The following TRA2A variants were observed in gnomAD, a reference collection of about 807,000 sequenced individuals.
The protein encoded by TRA2A is transformer 2 alpha homolog, also known as transformer-2 protein homolog alpha.
A neutral mutation model predicts 45.7 loss-of-function variants in TRA2A; 31 were observed. The observed-to-expected ratio is 0.68, with a 90% CI of 0.51 to 0.92. The LOEUF (loss-of-function observed/expected upper bound fraction) is 0.92. Among genes scored for constraint, TRA2A ranks in the 40% least tolerant of loss-of-function variants. The pLI is 0.00. For synonymous variants in TRA2A, 132 were observed against 126.2 expected (o/e 1.05, Z -0.31); for missense variants, 304 against 367.5 (o/e 0.83, Z 1.41).
chr7:23,508,994 T>C (rs1239335786), intron 4 of TRA2A, among the ~76,000 whole-genome samples: 2 of 152,068 alleles, frequency 1.3e-5, no homozygotes, highest in African/African-American at 2.4e-5. Context: ...ACAATTTTTT[T>C]TTCCTATTCT....
chr7:23,514,935 C>T (rs1370944322), intron 3 of TRA2A, among the ~76,000 whole-genome samples: 8 of 152,110 alleles, frequency 5.3e-5, no homozygotes, highest in Non-Finnish European at 1.2e-4. Flanking sequence ...CTTTAGAGCC[C>T]GGCTGCCTGG....
rs1024746679 is a variant in TRA2A at position 23,531,887 on chromosome 7, A to G, written c.-63T>C. On this transcript the variant is annotated 5_prime_UTR_variant, in exon 1 of 8. Transcript: ENST00000297071. ...GTCTCGGCTCGAGGGCCGATGGCCTAATTAACCCGCTGACTGGACCGTGGG... is the reference window on the plus strand; with the variant it reads ...GTCTCGGCTCGAGGGCCGATGGCCTGATTAACCCGCTGACTGGACCGTGGG... The G allele has an allele frequency of 3.2e-6, 5 of 1,576,202 alleles. No homozygotes were observed. The highest frequency in any genetic ancestry group is 1.7e-4 in the Middle Eastern group (1 of 5,998).
At chr7:23,526,919 A>C (rs1790363497) in intron 1 of TRA2A, among the ~76,000 whole-genome samples, 1 of 152,180 alleles carries the variant, frequency 6.6e-6, no homozygotes. Context: ...TGACACCCAC[A>C]TATAATCAAA....
intron 3 of TRA2A, among the ~76,000 whole-genome samples, 179 bp from the exon 4 acceptor site, chr7:23,513,261 C>T (rs1283329984): frequency 6.6e-6 from 1 of 152,086 alleles, no homozygotes; most frequent in Non-Finnish European, 1.5e-5. Context: ...TCACAGTACA[C>T]CCAAGGCCTT....
chr7:23,520,087 G>A (rs1038638457), intron 2 of TRA2A, among the ~76,000 whole-genome samples: 1 of 152,026 alleles, frequency 6.6e-6, no homozygotes, highest in African/African-American at 2.4e-5. Flanking sequence ...AATTAGCCAG[G>A]TGCCTGTGAT....
intron 1 of TRA2A, among the ~76,000 whole-genome samples, chr7:23,524,673 T>TTGAAG (rs1664535972): frequency 6.9e-6 from 1 of 145,880 alleles, no homozygotes; most frequent in Admixed American, 7.2e-5. Context: ...AGCTACAAAG[T>TTGAAG]TGTCACTATG....
intron 2 of TRA2A, among the ~76,000 whole-genome samples, chr7:23,519,714 C>G (rs924719701): frequency 2.6e-5 from 4 of 151,846 alleles, no homozygotes; most frequent in Admixed American, 6.6e-5. Context: ...TTTTTTTGCA[C>G]GATTTTACAA....
chr7:23,512,149 C>T (rs1789652684), intron 4 of TRA2A, among the ~76,000 whole-genome samples: 1 of 152,206 alleles, frequency 6.6e-6, no homozygotes, highest in African/African-American at 2.4e-5. Context: ...AAAAGTGAAA[C>T]TGTAGTCACT....
chr7:23,526,206 T>C (rs1790334737), intron 1 of TRA2A, among the ~76,000 whole-genome samples: 1 of 152,160 alleles, frequency 6.6e-6, no homozygotes, highest in African/African-American at 2.4e-5. Flanking sequence ...GCCTGTGTCA[T>C]ACTATAAAAA....
At chr7:23,506,798 C>T (rs1024863751) in intron 5 of TRA2A, among the ~76,000 whole-genome samples, 9 of 152,130 alleles carry the variant, frequency 5.9e-5, no homozygotes, top group South Asian at 2.1e-4. Flanking sequence ...TTTTTTGAGA[C>T]GGAGTCTTGC....
chr7:23,526,098 T>G (rs1337620816), intron 1 of TRA2A, among the ~76,000 whole-genome samples: 1 of 152,220 alleles, frequency 6.6e-6, no homozygotes, highest in Non-Finnish European at 1.5e-5. Flanking sequence ...CCATGTACTA[T>G]TCTTTTAATC....
At chr7:23,514,729 G>C (rs935714145) in intron 3 of TRA2A, among the ~76,000 whole-genome samples, 1 of 152,072 alleles carries the variant, frequency 6.6e-6, no homozygotes, top group Non-Finnish European at 1.5e-5. Context: ...CCAAGTAGTC[G>C]GGATTACAAG....
intron 4 of TRA2A, among the ~76,000 whole-genome samples, chr7:23,508,546 G>C (rs558565775): frequency 6.6e-6 from 1 of 152,308 alleles, no homozygotes; most frequent in South Asian, 2.1e-4. Flanking sequence ...ACAGGCTGGA[G>C]TGCAATGGCG....
intron 3 of TRA2A, among the ~76,000 whole-genome samples, chr7:23,514,913 A>G (rs569727358): frequency 6.6e-6 from 1 of 152,348 alleles, no homozygotes; most frequent in East Asian, 1.9e-4. Flanking sequence ...GCATGCAAAC[A>G]TGTTCTAAGA....
intron 1 of TRA2A, chr7:23,531,346 G>A (rs1790574164): frequency 1.4e-6 from 1 of 699,770 alleles, no homozygotes; most frequent in Non-Finnish European, 1.8e-6. Flanking sequence ...AAGCAGCCCC[G>A]CGCACTTTCG....
At chr7:23,517,787 C>T (rs1181605908) in intron 2 of TRA2A, among the ~76,000 whole-genome samples, 1 of 151,648 alleles carries the variant, frequency 6.6e-6, no homozygotes, top group Non-Finnish European at 1.5e-5. Context: ...TGGCGCACAC[C>T]TGTCATCCCA....
intron 1 of TRA2A, chr7:23,522,063 G>C: frequency 7.3e-7 from 1 of 1,369,452 alleles, no homozygotes; most frequent in South Asian, 1.6e-5. Context: ...TATTAACTAA[G>C]TAATCATGCA....
At chr7:23,522,746 A>T (rs1790185998) in intron 1 of TRA2A, among the ~76,000 whole-genome samples, 1 of 152,092 alleles carries the variant, frequency 6.6e-6, no homozygotes, top group Non-Finnish European at 1.5e-5. Flanking sequence ...TAACAACTAT[A>T]ATTTCCCCCC....
rs187742434 is a variant in TRA2A at position 23,512,528 on chromosome 7, G to A, written c.525+366C>T. 8.8e-3 allele frequency among the ~76,000 whole-genome samples: 1,337 copies of A among 151,832 alleles called. 19 individuals carry two copies. Among genetic ancestry groups the A allele is most frequent in the South Asian group, 0.016 (79 of 4,814 alleles). On this transcript the variant is annotated intron_variant, in intron 4 of 7. Coordinates refer to ENST00000297071, the MANE Select transcript of TRA2A (RefSeq NM_013293.5). Reference sequence around the variant, plus strand: ...GGCTGGAGTACAGTGGCGCAATCTCGGCTCACTGTAAGCTCTGCCTCCCGG... The same window carrying A: ...GGCTGGAGTACAGTGGCGCAATCTCAGCTCACTGTAAGCTCTGCCTCCCGG...
Sources: gnomAD v4.1 joint callset for allele counts (sites outside exome capture counted in the v4.1 genomes callset) on GRCh38, gnomAD v4.1.1 for gene constraint, MANE v1.5 for transcripts, NCBI Gene and HGNC (gene_info 2026-07-23, HGNC 2026-07-21) for gene names.